The following BBS7 variants were observed in gnomAD, a reference collection of about 807,000 sequenced individuals.
BBS7 encodes Bardet-Biedl syndrome 7, also known as BBSome complex member BBS7.
BBS7 carries 50 observed loss-of-function variants against 90.3 expected under a neutral mutation model. That is an observed-to-expected ratio of 0.55 (90% CI 0.44 to 0.70). The LOEUF is 0.70. BBS7 is among the 30% of genes least tolerant of loss of function. The pLI is 0.00. For synonymous variants in BBS7, 235 were observed against 287.4 expected (o/e 0.82, Z 1.85); for missense variants, 729 against 838.9 (o/e 0.87, Z 1.62).
chr4:121,854,090 G>A (rs372365998), intron 7 of BBS7, among the ~76,000 whole-genome samples: 128 of 152,148 alleles, frequency 8.4e-4, no homozygotes, highest in African/African-American at 3.0e-3. Context: ...TTGACTACGT[G>A]GTCTAAAAGT....
At chr4:121,853,638 G>A (rs142591374) in intron 7 of BBS7, among the ~76,000 whole-genome samples, 1 of 151,376 alleles carries the variant, frequency 6.6e-6, no homozygotes, top group African/African-American at 2.4e-5. Context: ...AGCTAGCCTA[G>A]ACTAGAATAA....
intron 8 of BBS7, among the ~76,000 whole-genome samples, chr4:121,850,381 G>C (rs1175847270): frequency 6.6e-6 from 1 of 152,030 alleles, no homozygotes; most frequent in Middle Eastern, 3.2e-3. Context: ...GCCCAGGCTG[G>C]TGTTGAACTC....
chr4:121,832,042 ACAAAAC>A (rs556661888), intron 15 of BBS7, among the ~76,000 whole-genome samples: 5,702 of 151,254 alleles, frequency 0.038, 138 homozygotes, highest in Non-Finnish European at 0.057. Context: ...ACACACACAC[ACAAAAC>A]AAACAACCTA....
chr4:121,842,516 T>C (rs1490799941), intron 12 of BBS7, among the ~76,000 whole-genome samples: 2 of 151,560 alleles, frequency 1.3e-5, no homozygotes, highest in African/African-American at 4.8e-5. Context: ...GTGCCTGTAG[T>C]CCCAGCTACT....
Position 121,828,629 on chromosome 4 carries a change from G to A in BBS7, c.1776C>T (p.Asn592=). 1.3e-6 allele frequency: 2 copies of A among 1,590,954 alleles called. No individual in the cohort carries two copies. Among genetic ancestry groups the A allele is most frequent in the Non-Finnish European group, 1.7e-6 (2 of 1,159,298 alleles). ...ATTTTGTTTGTTTACCGTATGATAT[G>A]TTGAGGTTAATTTTCCTTTTTGTAG... ...KEATKRKINL[N]ISYEINEVSV... The change falls in exon 16 of 19, where the codon AAC becomes AAT. Residue 592 remains asparagine, a synonymous_variant. Coordinates refer to ENST00000264499, the MANE Select transcript of BBS7 (RefSeq NM_176824.3).
intron 13 of BBS7, among the ~76,000 whole-genome samples, chr4:121,837,717 C>T (rs1402870380): frequency 6.6e-6 from 1 of 152,036 alleles, no homozygotes; most frequent in East Asian, 1.9e-4. Flanking sequence ...AAAGCAAGTT[C>T]CACCTTACTT....
At chr4:121,856,626 T>G (rs1371955611) in intron 5 of BBS7, among the ~76,000 whole-genome samples, 1 of 151,860 alleles carries the variant, frequency 6.6e-6, no homozygotes, top group Admixed American at 6.6e-5. Flanking sequence ...GGAGGAGAAT[T>G]GCTTGAACCC....
intron 10 of BBS7, among the ~76,000 whole-genome samples, chr4:121,846,396 G>C (rs1045508794): frequency 1.3e-5 from 2 of 152,160 alleles, no homozygotes; most frequent in Admixed American, 6.5e-5. Flanking sequence ...GAAGGGATCT[G>C]TGTAATGAAC....
chr4:121,836,652 G>A (rs1278704626), intron 13 of BBS7, among the ~76,000 whole-genome samples: 1 of 152,068 alleles, frequency 6.6e-6, no homozygotes, highest in Non-Finnish European at 1.5e-5. Context: ...AAGCAATGCT[G>A]CAATTAATTA....
chr4:121,832,867 A>G (rs894747673), intron 15 of BBS7, among the ~76,000 whole-genome samples: 1 of 152,198 alleles, frequency 6.6e-6, no homozygotes, highest in African/African-American at 2.4e-5. Flanking sequence ...GTTTATGTCA[A>G]TAAAATCTTA....
chr4:121,852,252 T>C (rs1186611202), intron 8 of BBS7, among the ~76,000 whole-genome samples: 1 of 152,190 alleles, frequency 6.6e-6, no homozygotes, highest in Admixed American at 6.5e-5. Context: ...GTAGATAAAT[T>C]AGACCAAAAA....
chr4:121,833,216 A>G lies in BBS7; in HGVS notation c.1676+15T>C, dbSNP rs1725279667. On this transcript the variant is annotated intron_variant, in intron 15 of 18. Transcript: ENST00000264499. ...ATAAAACAACACTTGTGAACCAGTAATAAGTTAGATTTACCTGTAGGTACT... is the reference window on the plus strand; with the variant it reads ...ATAAAACAACACTTGTGAACCAGTAGTAAGTTAGATTTACCTGTAGGTACT... 1 of 1,612,540 alleles carries G rather than the reference A, an allele frequency of 6.2e-7. No individual in the cohort carries two copies. The highest frequency in any genetic ancestry group is 1.7e-5 in the Admixed American group (1 of 59,970).
chr4:121,851,596 G>C (rs1226576678), intron 8 of BBS7, among the ~76,000 whole-genome samples: 1 of 152,024 alleles, frequency 6.6e-6, no homozygotes, highest in Non-Finnish European at 1.5e-5. Flanking sequence ...AAAAGAACTT[G>C]GTCCTTCCTC....
intron 7 of BBS7, 65 bp downstream of exon 7, chr4:121,854,639 T>A: frequency 6.8e-7 from 1 of 1,463,520 alleles, no homozygotes; most frequent in East Asian, 2.4e-5. Context: ...ATAGAATAAA[T>A]TATATAATTT....
Position 121,867,152 on chromosome 4 carries a change from T to C in BBS7, c.102+829A>G, listed in dbSNP as rs547544559. On this transcript the variant is annotated intron_variant, in intron 2 of 18. Coordinates refer to ENST00000264499, the MANE Select transcript of BBS7 (RefSeq NM_176824.3). Reference sequence around the variant, plus strand: ...TTATAGAGGTCTTTCATTTCCTTGGTTAATTTATTCCTAAGTATTTTATCT... The same window carrying C: ...TTATAGAGGTCTTTCATTTCCTTGGCTAATTTATTCCTAAGTATTTTATCT... 1.4e-4 allele frequency among the ~76,000 whole-genome samples: 21 copies of C among 152,266 alleles called. No homozygotes were observed. In the South Asian group the frequency reaches 4.1e-3, roughly 30 times the overall value.
chr4:121,855,393 C>G (rs1726556115), intron 6 of BBS7, 96 bp downstream of exon 6: 2 of 1,134,234 alleles, frequency 1.8e-6, no homozygotes, highest in Non-Finnish European at 2.7e-6. Flanking sequence ...AGAAAGACAA[C>G]TGTCTCAATT....
At position 121,828,723 on chromosome 4, in the gene BBS7, C is replaced by T; in HGVS notation, c.1682G>A (p.Gly561Glu). Reference protein sequence around the residue: ...DTQLESTYRKGEGVFKSDNIS... With the variant: ...DTQLESTYRKEEGVFKSDNIS... ...GTTGTCAGATTTAAAAACTCCCTCT[C>T]CTTTTCTATAAAATTAATATATTTT... The change falls in exon 16 of 19, where the codon GGA becomes GAA. Residue 561 changes from glycine (G) to glutamate (E), a missense_variant. Transcript: ENST00000264499. 1.3e-6 allele frequency: 2 copies of T among 1,543,862 alleles called. No homozygotes were observed. The highest frequency in any genetic ancestry group is 1.8e-6 in the Non-Finnish European group (2 of 1,124,874).
At chr4:121,845,198 G>A (rs960227529) in intron 11 of BBS7, among the ~76,000 whole-genome samples, 9 of 151,796 alleles carry the variant, frequency 5.9e-5, no homozygotes, top group East Asian at 5.8e-4. Context: ...GTGAAACCCC[G>A]TCTCTACTAA....
At chr4:121,851,948 T>C (rs1726344101) in intron 8 of BBS7, among the ~76,000 whole-genome samples, 1 of 152,086 alleles carries the variant, frequency 6.6e-6, no homozygotes, top group African/African-American at 2.4e-5. Context: ...GGAATAAAAG[T>C]CAAAGAGGAG....
Sources: gnomAD v4.1 joint callset for allele counts (sites outside exome capture counted in the v4.1 genomes callset) on GRCh38, gnomAD v4.1.1 for gene constraint, MANE v1.5 for transcripts, NCBI Gene and HGNC (gene_info 2026-07-23, HGNC 2026-07-21) for gene names.